The following EYS variants were observed in gnomAD, a reference collection of about 807,000 sequenced individuals.
The protein encoded by EYS is EGF-like photoreceptor maintenance factor.
In EYS, 250 loss-of-function variants were observed where a neutral mutation model predicts 282.1. The ratio of observed to expected loss-of-function variants is 0.89; its 90% CI spans 0.80 to 0.98. EYS has a LOEUF of 0.98. Ranked by LOEUF, EYS falls within the 50% of genes least tolerant of loss-of-function variation. The probability of loss-of-function intolerance (pLI) is 0.00; values close to 1 mark genes in which losing one functional copy is unlikely to be tolerated. For synonymous variants in EYS, 1,355 were observed against 1,282.9 expected, an observed-to-expected ratio of 1.06 and a Z score of -1.20; for missense variants, 4,016 against 3,709.0, an observed-to-expected ratio of 1.08 and a Z score of -2.15.
At chr6:64,936,481 A>G (rs1387997552) in intron 15 of EYS, among the ~76,000 whole-genome samples, 1 of 151,488 alleles carries the variant, frequency 6.6e-6, no homozygotes, top group East Asian at 1.9e-4. Context: ...ACGTATCAAT[A>G]TTGGACAGGT....
At chr6:65,524,927 C>T (rs981457480) in intron 2 of EYS, among the ~76,000 whole-genome samples, 1 of 152,166 alleles carries the variant, frequency 6.6e-6, no homozygotes, top group African/African-American at 2.4e-5. Flanking sequence ...CAGTGTTTAT[C>T]GTTGCTGCTG....
intron 2 of EYS, among the ~76,000 whole-genome samples, chr6:65,635,297 T>C (rs890990280): frequency 2.0e-5 from 3 of 151,982 alleles, no homozygotes; most frequent in Non-Finnish European, 4.4e-5. Context: ...ACCTTAAGAG[T>C]AAGGTGCTAT....
At chr6:63,998,118 G>T (rs894756222) in intron 34 of EYS, among the ~76,000 whole-genome samples, 21 of 152,002 alleles carry the variant, frequency 1.4e-4, no homozygotes, top group Admixed American at 1.1e-3. Flanking sequence ...CATTATAAAG[G>T]GACACAAAAG....
At chr6:64,016,896 A>G (rs79197097) in intron 33 of EYS, among the ~76,000 whole-genome samples, 3,714 of 152,126 alleles carry the variant, frequency 0.024, 65 homozygotes, top group Non-Finnish European at 0.037. Context: ...AAGCTTTTCA[A>G]TTCCTTTACT....
chr6:63,878,687 T>C (rs1326066744), intron 35 of EYS, among the ~76,000 whole-genome samples: 1 of 152,018 alleles, frequency 6.6e-6, no homozygotes, highest in African/African-American at 2.4e-5. Flanking sequence ...CAGACGCCCC[T>C]CCCCCACCCT....
chr6:64,553,111 T>C (rs1424589886), intron 26 of EYS, among the ~76,000 whole-genome samples: 1 of 152,088 alleles, frequency 6.6e-6, no homozygotes, highest in Non-Finnish European at 1.5e-5. Context: ...CCAACCACCT[T>C]GGGCACATGT....
chr6:64,551,173 T>C (rs1050217281), intron 26 of EYS, among the ~76,000 whole-genome samples: 1 of 149,746 alleles, frequency 6.7e-6, no homozygotes, highest in South Asian at 2.1e-4. Flanking sequence ...TGTATATACA[T>C]ATATACACAC....
At chr6:65,217,911 G>A (rs1766356554) in intron 12 of EYS, among the ~76,000 whole-genome samples, 1 of 152,056 alleles carries the variant, frequency 6.6e-6, no homozygotes, top group East Asian at 1.9e-4. Context: ...CTGACTTGCT[G>A]TGTGGAGATT....
chr6:65,218,844 CTT>C (rs1203673067), intron 12 of EYS, among the ~76,000 whole-genome samples: 1 of 152,034 alleles, frequency 6.6e-6, no homozygotes, highest in Non-Finnish European at 1.5e-5. Flanking sequence ...GGCAATCTAT[CTT>C]TTGTGGTCGG....
At chr6:64,322,970 C>T (rs1770271555) in intron 29 of EYS, among the ~76,000 whole-genome samples, 1 of 152,108 alleles carries the variant, frequency 6.6e-6, no homozygotes, top group South Asian at 2.1e-4. Context: ...CATCCTCAGA[C>T]ATTCACACAC....
chr6:63,807,553 T>C (rs1168983049), intron 36 of EYS, among the ~76,000 whole-genome samples: 1 of 152,192 alleles, frequency 6.6e-6, no homozygotes, highest in East Asian at 1.9e-4. Context: ...ATACTTTGTT[T>C]TGATATTTTA....
rs1378073761 is a variant in EYS at position 64,868,814 on chromosome 6, T to C, written c.2992+17883A>G. On this transcript the variant is annotated intron_variant, in intron 19 of 42. Transcript: ENST00000503581. ...AACAGGCCATCAGGTTAAAAAGAATTACAATTTGAGTACTACCTTTGGAAT... is the reference window on the plus strand; with the variant it reads ...AACAGGCCATCAGGTTAAAAAGAATCACAATTTGAGTACTACCTTTGGAAT... Among the ~76,000 whole-genome samples the C allele has an allele frequency of 2.6e-5, 4 of 151,612 alleles. No individual in the cohort carries two copies. In the East Asian group the frequency reaches 7.7e-4, roughly 29 times the overall value.
At chr6:64,638,297 A>G (rs1377194128) in intron 22 of EYS, among the ~76,000 whole-genome samples, 1 of 92,110 alleles carries the variant, frequency 1.1e-5, no homozygotes, top group African/African-American at 4.1e-5. Context: ...GAAAGTGTTT[A>G]GTTATAGGTA....
intron 29 of EYS, among the ~76,000 whole-genome samples, chr6:64,308,309 A>T (rs1769536640): frequency 6.6e-6 from 1 of 152,114 alleles, no homozygotes. Context: ...AAGTACATTG[A>T]AGAACATTCA....
At chr6:63,900,662 T>G (rs1773636621) in intron 35 of EYS, among the ~76,000 whole-genome samples, 1 of 152,162 alleles carries the variant, frequency 6.6e-6, no homozygotes, top group South Asian at 2.1e-4. Flanking sequence ...TTTAATGTGC[T>G]TCACATTCAT....
chr6:63,789,252 C>T lies in EYS; in HGVS notation c.7412-28G>A, dbSNP rs764127635. 39 of 1,541,370 alleles carry T rather than the reference C, an allele frequency of 2.5e-5. No homozygotes were observed. In the South Asian group the frequency reaches 4.0e-4, roughly 16 times the overall value. On this transcript the variant is annotated intron_variant, in intron 37 of 42. Transcript: ENST00000503581. The stretch of plus-strand genomic sequence containing the variant: ...GGAATGAGAAGACACATGGGGAATG[C>T]TCACTGAGAGGAAATTCAGGAGTTC...
intron 29 of EYS, among the ~76,000 whole-genome samples, chr6:64,372,143 T>TG (rs1772398065): frequency 3.8e-5 from 1 of 26,382 alleles, no homozygotes; most frequent in Non-Finnish European, 1.4e-4. Context: ...TTTTTTTTTT[T>TG]TTTTTTTTTT....
chr6:64,911,192 A>T (rs1443955779), intron 16 of EYS, among the ~76,000 whole-genome samples: 3 of 152,112 alleles, frequency 2.0e-5, no homozygotes, highest in East Asian at 3.9e-4. Flanking sequence ...TACTTGTTTG[A>T]ATTATGTTCT....
chr6:63,748,626 T>C (rs1276005154), intron 41 of EYS, among the ~76,000 whole-genome samples: 2 of 152,136 alleles, frequency 1.3e-5, no homozygotes, highest in Non-Finnish European at 2.9e-5. Context: ...TGGGCTTTTT[T>C]TGGTTGGTAG....
Sources: gnomAD v4.1 joint callset for allele counts (sites outside exome capture counted in the v4.1 genomes callset) on GRCh38, gnomAD v4.1.1 for gene constraint, MANE v1.5 for transcripts, NCBI Gene and HGNC (gene_info 2026-07-23, HGNC 2026-07-21) for gene names.